FSTL5: variants seen among roughly 807,000 people sequenced by gnomAD.
The protein encoded by FSTL5 is follistatin-related protein 5.
A neutral mutation model predicts 89.1 loss-of-function variants in FSTL5; 62 were observed. The observed-to-expected ratio is 0.70, with a 90% CI of 0.57 to 0.86. The LOEUF (loss-of-function observed/expected upper bound fraction) is 0.86, where lower values mean the gene tolerates loss of function less well. Ranked by LOEUF, FSTL5 falls within the 40% of genes least tolerant of loss-of-function variation. FSTL5 has a pLI of 0.00. For synonymous variants in FSTL5, 383 were observed against 346.2 expected (o/e 1.11, Z -1.18); for missense variants, 1,057 against 1,001.6 (o/e 1.06, Z -0.75).
chr4:161,980,010 C>T (rs1237213352), intron 3 of FSTL5, among the ~76,000 whole-genome samples: 1 of 140,246 alleles, frequency 7.1e-6, no homozygotes, highest in African/African-American at 2.7e-5. Context: ...AATTATTTCC[C>T]ACCAAAAAAT....
intron 6 of FSTL5, among the ~76,000 whole-genome samples, chr4:161,698,515 A>G (rs1738266014): frequency 6.6e-6 from 1 of 152,190 alleles, no homozygotes; most frequent in South Asian, 2.1e-4. Context: ...AGTTGATGTG[A>G]CGGGGCTGTT....
At chr4:161,459,130 G>T in intron 14 of FSTL5, 82 bp downstream of exon 14, 1 of 938,326 alleles carries the variant, frequency 1.1e-6, no homozygotes, top group Non-Finnish European at 1.7e-6. Context: ...AAAATATCAT[G>T]GTTAAATGAT....
intron 10 of FSTL5, among the ~76,000 whole-genome samples, chr4:161,525,726 G>A (rs1578899015): frequency 6.6e-6 from 1 of 152,082 alleles, no homozygotes; most frequent in African/African-American, 2.4e-5. Flanking sequence ...ATGTCAACAT[G>A]CTTTCCAAAG....
At chr4:162,086,503 T>C (rs969104007) in intron 2 of FSTL5, among the ~76,000 whole-genome samples, 1 of 152,022 alleles carries the variant, frequency 6.6e-6, no homozygotes, top group African/African-American at 2.4e-5. Flanking sequence ...GAATATGTCA[T>C]GCACTACCGT....
rs76846001 is a variant in FSTL5 at position 161,989,972 on chromosome 4, T to C, written c.160+43653A>G. On this transcript the variant is annotated intron_variant, in intron 3 of 15. Transcript: ENST00000306100. ...TGTGTGAATACATTGTCCAAACTCC[T>C]AGGACATTTACAATTTAAGTATACC... Among the ~76,000 whole-genome samples the C allele has an allele frequency of 4.5e-3, 690 of 152,286 alleles. 4 individuals are homozygous for C. Among genetic ancestry groups the C allele is most frequent in the African/African-American group, 0.016 (667 of 41,566 alleles).
chr4:161,707,765 C>T (rs1738631009), intron 6 of FSTL5, among the ~76,000 whole-genome samples: 1 of 151,920 alleles, frequency 6.6e-6, no homozygotes, highest in East Asian at 1.9e-4. Flanking sequence ...AATGGTGATA[C>T]ACAATACAGG....
chr4:161,400,275 A>C lies in FSTL5; in HGVS notation c.1842-13826T>G, dbSNP rs535802356. On this transcript the variant is annotated intron_variant, in intron 15 of 15. Coordinates refer to ENST00000306100, the MANE Select transcript of FSTL5 (RefSeq NM_020116.5). ...TTCAGTGGATATAAATTACTTTTGT[A>C]CTGAGAAAAAATATATAGATAGGTA... is the stretch of plus-strand genomic sequence containing the variant. 5.4e-4 allele frequency among the ~76,000 whole-genome samples: 82 copies of C among 152,226 alleles called. 1 individual carries two copies. In the South Asian group the frequency reaches 0.015, roughly 28 times the overall value.
At chr4:161,507,336 T>C (rs1173627968) in intron 11 of FSTL5, among the ~76,000 whole-genome samples, 1 of 151,800 alleles carries the variant, frequency 6.6e-6, no homozygotes, top group Admixed American at 6.6e-5. Context: ...ATCATAAATA[T>C]ACTGAAAATG....
chr4:161,752,384 T>A (rs1740427663), intron 6 of FSTL5, among the ~76,000 whole-genome samples: 1 of 152,152 alleles, frequency 6.6e-6, no homozygotes, highest in Non-Finnish European at 1.5e-5. Flanking sequence ...GTTTTAGCTG[T>A]TTTGTATTTT....
At chr4:162,030,261 T>C (rs1578964237) in intron 3 of FSTL5, among the ~76,000 whole-genome samples, 4 of 152,068 alleles carry the variant, frequency 2.6e-5, no homozygotes, top group African/African-American at 7.2e-5. Context: ...AATGCTGGCA[T>C]GTATGAAAGC....
chr4:161,872,041 G>A (rs942384668), intron 4 of FSTL5, among the ~76,000 whole-genome samples: 4 of 149,844 alleles, frequency 2.7e-5, no homozygotes, highest in Non-Finnish European at 4.4e-5. Flanking sequence ...ACCCAGGCCT[G>A]AGTGCAGTGG....
chr4:161,539,774 G>A (rs1731753979), intron 9 of FSTL5, among the ~76,000 whole-genome samples: 1 of 151,994 alleles, frequency 6.6e-6, no homozygotes, highest in Admixed American at 6.6e-5. Flanking sequence ...AAAACAGACA[G>A]CTATCTAGAT....
intron 15 of FSTL5, among the ~76,000 whole-genome samples, chr4:161,415,914 G>A (rs1731765257): frequency 6.6e-6 from 1 of 151,306 alleles, no homozygotes; most frequent in Non-Finnish European, 1.5e-5. Context: ...GGGTAAGTGA[G>A]TGATGATAGC....
intron 2 of FSTL5, among the ~76,000 whole-genome samples, chr4:162,099,416 G>A (rs527450077): frequency 6.6e-6 from 1 of 152,062 alleles, no homozygotes; most frequent in Non-Finnish European, 1.5e-5. Flanking sequence ...CAATAAAAAT[G>A]TTATGTCTCT....
At chr4:162,035,440 C>T (rs970442273) in intron 2 of FSTL5, 1 of 151,936 alleles carries the variant, frequency 6.6e-6, no homozygotes, top group East Asian at 1.9e-4. Flanking sequence ...AAAACATGTC[C>T]TAGGGGAGAA....
chr4:161,675,375 G>T (rs141775826), intron 6 of FSTL5, among the ~76,000 whole-genome samples: 2 of 151,506 alleles, frequency 1.3e-5, no homozygotes, highest in East Asian at 3.9e-4. Flanking sequence ...AATCATAATA[G>T]AAATGAACAC....
At chr4:162,047,241 T>G (rs903549530) in intron 2 of FSTL5, 2 of 152,130 alleles carry the variant, frequency 1.3e-5, no homozygotes, top group Non-Finnish European at 2.9e-5. Context: ...GTTGTAGATC[T>G]ATGAAAATAG....
At chr4:162,089,833 A>C (rs1730473264) in intron 2 of FSTL5, among the ~76,000 whole-genome samples, 1 of 152,126 alleles carries the variant, frequency 6.6e-6, no homozygotes, top group African/African-American at 2.4e-5. Context: ...TCTTTATAAA[A>C]TTACATTTCA....
intron 3 of FSTL5, among the ~76,000 whole-genome samples, chr4:161,980,683 A>C (rs931396761): frequency 6.6e-6 from 1 of 151,358 alleles, no homozygotes; most frequent in Non-Finnish European, 1.5e-5. Flanking sequence ...TACTAGAGAG[A>C]CCAGTGTCTT....
Sources: gnomAD v4.1 joint callset for allele counts (sites outside exome capture counted in the v4.1 genomes callset) on GRCh38, gnomAD v4.1.1 for gene constraint, MANE v1.5 for transcripts, NCBI Gene and HGNC (gene_info 2026-07-23, HGNC 2026-07-21) for gene names.